Variants in ULBP1 observed in about 807,000 individuals in gnomAD.
The protein encoded by ULBP1 is UL16 binding protein 1.
ULBP1 carries 28 observed loss-of-function variants against 25.3 expected under a neutral mutation model. The observed-to-expected ratio is 1.10, with a 90% confidence interval of 0.82 to 1.51. The LOEUF is 1.51. Ranked by LOEUF, ULBP1 falls within the 40% of genes most tolerant of loss-of-function variation. The probability of loss-of-function intolerance (pLI) is 0.00; values close to 1 mark genes in which losing one functional copy is unlikely to be tolerated. For synonymous variants in ULBP1, 129 were observed against 103.0 expected (o/e 1.25, Z -1.53); for missense variants, 348 against 290.9 (o/e 1.20, Z -1.43).
intron 1 of ULBP1, among the ~76,000 whole-genome samples, chr6:149,967,556 T>C (rs1354154998): frequency 6.6e-6 from 1 of 152,178 alleles, no homozygotes; most frequent in Non-Finnish European, 1.5e-5. Flanking sequence ...TTGTCTTTGT[T>C]TGTTGTAATT....
At chr6:149,970,497 T>A (rs1344385966) in intron 4 of ULBP1, among the ~76,000 whole-genome samples, 1 of 152,060 alleles carries the variant, frequency 6.6e-6, no homozygotes, top group Non-Finnish European at 1.5e-5. Flanking sequence ...GTCTGCACAG[T>A]AGGAGAGGAG....
chr6:149,963,945 A>C lies in ULBP1; in HGVS notation c.-105A>C. On this transcript the variant is annotated 5_prime_UTR_variant, in exon 1 of 5. Coordinates refer to ENST00000229708, the MANE Select transcript of ULBP1 (RefSeq NM_025218.4). ...GCATGCCTAGGATCCCGCCCAGTGT[A>C]TCCCTGCGCGCGGCGGGCCGGGCTG... 4.4e-6 allele frequency: 5 copies of C among 1,129,360 alleles called. No homozygotes were observed. The highest frequency in any genetic ancestry group is 6.4e-6 in the Non-Finnish European group (5 of 776,406). The allele number at this position is 1,129,360 out of a possible 1,614,324, so 70.0% of individuals were successfully genotyped here.
chr6:149,966,481 C>T (rs1474696705), intron 1 of ULBP1, among the ~76,000 whole-genome samples: 1 of 152,122 alleles, frequency 6.6e-6, no homozygotes, highest in Non-Finnish European at 1.5e-5. Context: ...TGCTGGGTGG[C>T]ATCATAGGTC....
intron 1 of ULBP1, among the ~76,000 whole-genome samples, chr6:149,965,369 C>T (rs1383618487): frequency 1.3e-5 from 2 of 152,238 alleles, no homozygotes; most frequent in Non-Finnish European, 2.9e-5. Flanking sequence ...GGCTCCTTTC[C>T]GCCGAGTCCG....
chr6:149,969,221 T>C lies in ULBP1; in HGVS notation c.486T>C (p.His162=), dbSNP rs774064155. Residue 162 remains histidine (H), a synonymous_variant, in exon 3 of 5, where the codon CAT becomes CAC. Coordinates refer to ENST00000229708, the MANE Select transcript of ULBP1 (RefSeq NM_025218.4). The part of the protein sequence containing the change: ...DSNNRKWTAL[H]PGAKKMTEKW... ...ACAACAGAAAGTGGACAGCACTTCA[T>C]CCTGGAGCCAAGAAGATGACAGAGA... 1.9e-6 allele frequency: 3 copies of C among 1,614,096 alleles called. No homozygotes were observed. The East Asian group carries it at 6.7e-5, about 36-fold the overall frequency.
chr6:149,966,342 C>T (rs1048485335), intron 1 of ULBP1, among the ~76,000 whole-genome samples: 1 of 152,022 alleles, frequency 6.6e-6, no homozygotes, highest in African/African-American at 2.4e-5. Context: ...CCTAGGGTGT[C>T]ATCTCCAAGT....
rs1665858105 is a variant in ULBP1 at position 149,972,371 on chromosome 6, G to T, written c.*1025G>T. 1 of 152,096 alleles carries T rather than the reference G, an allele frequency of 6.6e-6. No homozygotes were observed. The highest frequency in any genetic ancestry group is 1.5e-5 in the Non-Finnish European group (1 of 68,024). 9.4% of individuals were successfully genotyped at this position (152,096 alleles called of 1,614,324 possible). A position where few individuals can be genotyped will look rare whatever the true frequency, so the allele number is the denominator to read the frequency against. On this transcript the variant is annotated 3_prime_UTR_variant, in exon 5 of 5. Coordinates refer to ENST00000229708, the MANE Select transcript of ULBP1 (RefSeq NM_025218.4). The stretch of plus-strand genomic sequence containing the variant: ...GTAAAATAATTCAATATGGATGAAA[G>T]ATTTAAATATAAGTACTAAAACTGT...
Position 149,964,067 on chromosome 6 carries a change from C to A in ULBP1, c.18C>A (p.Ser6Arg). The A allele has an allele frequency of 6.2e-7, 1 of 1,614,200 alleles. No individual in the cohort carries two copies. Among genetic ancestry groups the A allele is most frequent in the Non-Finnish European group, 8.5e-7 (1 of 1,180,024 alleles). Residue 6 changes from serine (S) to arginine (R), a missense_variant, in exon 1 of 5, where the codon AGC becomes AGA. Transcript: ENST00000229708. Reference protein sequence around the residue: MAAAASPAFLLCLPLL... With the variant: MAAAARPAFLLCLPLL... ...GGTCTACAATGGCAGCGGCCGCCAGCCCCGCGTTCCTTCTGTGCCTCCCGC... is the reference window on the plus strand; with the variant it reads ...GGTCTACAATGGCAGCGGCCGCCAGACCCGCGTTCCTTCTGTGCCTCCCGC...
Position 149,964,024 on chromosome 6 carries a change from C to G in ULBP1, c.-26C>G. 3 of 1,613,100 alleles carry G rather than the reference C, an allele frequency of 1.9e-6. No individual in the cohort carries two copies. The highest frequency in any genetic ancestry group is 2.5e-6 in the Non-Finnish European group (3 of 1,179,522). On this transcript the variant is annotated 5_prime_UTR_variant, in exon 1 of 5. Transcript: ENST00000229708. ...GCCTCGAAGGGAACCATCAGCGCCT[C>G]CTGTCCACGGAGCTCCAGGTCTACA...
At chr6:149,965,597 G>T (rs2114706832) in intron 1 of ULBP1, among the ~76,000 whole-genome samples, 1 of 152,208 alleles carries the variant, frequency 6.6e-6, no homozygotes, top group East Asian at 1.9e-4. Flanking sequence ...GTTCCACAGG[G>T]ACGCGATCAC....
At position 149,972,676 on chromosome 6, in the gene ULBP1, C is replaced by A. The variant is rs1186630608; in HGVS notation, c.*1330C>A. On this transcript the variant is annotated 3_prime_UTR_variant, in exon 5 of 5. Transcript: ENST00000229708. Reference sequence around the variant, plus strand: ...AATTCAACAAGCAAGAAGAAAAAACCCAATTAAAATTGGGCAAAGGCATGA... The same window carrying A: ...AATTCAACAAGCAAGAAGAAAAAACACAATTAAAATTGGGCAAAGGCATGA... The A allele has an allele frequency of 1.3e-5, 2 of 152,100 alleles. No individual in the cohort carries two copies. The highest frequency in any genetic ancestry group is 4.8e-5 in the African/African-American group (2 of 41,416). 9.4% of individuals were successfully genotyped at this position (152,100 alleles called of 1,614,324 possible). A position where few individuals can be genotyped will look rare whatever the true frequency, so the allele number is the denominator to read the frequency against.
rs1331765274 is a variant in ULBP1, at chr6:149,968,718, G to T, written c.197G>T (p.Cys66Phe). ...GAAAGGCCTTTTCTTCACTATGACT[G>T]TGTTAACCACAAGGCCAAAGCCTTT... is the stretch of plus-strand genomic sequence containing the variant. ...VDERPFLHYD[C>F]VNHKAKAFAS... is the part of the protein sequence containing the mutation. The change falls in exon 2 of 5, where the codon TGT becomes TTT. Residue 66 changes from cysteine to phenylalanine, a missense_variant. By Grantham distance (205) the Cys-to-Phe change is radical. Transcript: ENST00000229708. 2 of 1,614,242 alleles carry T rather than the reference G, an allele frequency of 1.2e-6. No individual in the cohort carries two copies. Among genetic ancestry groups the T allele is most frequent in the Non-Finnish European group, 1.7e-6 (2 of 1,180,044 alleles).
Position 149,972,775 on chromosome 6 carries a change from G to C in ULBP1, c.*1429G>C, listed in dbSNP as rs1779340723. ...AAATGCTCAGTATCACTAATCATCA[G>C]ATAAGTGCAAATCAAAACTGCAATG... On this transcript the variant is annotated 3_prime_UTR_variant, in exon 5 of 5. Transcript: ENST00000229708. 6.6e-6 allele frequency: 1 copy of C among 152,218 alleles called. No individual in the cohort carries two copies. The allele number at this position is 152,218 out of a possible 1,614,324, so 9.4% of individuals were successfully genotyped here.
At chr6:149,968,580 A>AC in intron 1 of ULBP1, 27 bp from the exon 2 acceptor site, 1 of 1,589,802 alleles carries the variant, frequency 6.3e-7, no homozygotes, top group Non-Finnish European at 8.6e-7. Context: ...CCCCACACCA[A>AC]CCCCCTCCTG....
chr6:149,968,786 G>T lies in ULBP1; in HGVS notation c.265G>T (p.Glu89Ter). ...KKVNVTKTWE[E>*]QTETLRDVVD... ...AGTCAATGTCACAAAAACCTGGGAA[G>T]AACAAACTGAAACACTAAGAGACGT... Residue 89 changes from glutamate to a stop codon, truncating the protein, a stop_gained, in exon 2 of 5, where the codon GAA becomes TAA. Coordinates refer to ENST00000229708, the MANE Select transcript of ULBP1 (RefSeq NM_025218.4). LOFTEE classifies it high-confidence loss of function. 1 of 1,614,068 alleles carries T rather than the reference G, an allele frequency of 6.2e-7. No homozygotes were observed. The highest frequency in any genetic ancestry group is 8.5e-7 in the Non-Finnish European group (1 of 1,179,928).
intron 4 of ULBP1, 24 bp downstream of exon 4, chr6:149,970,171 G>A (rs1779289263): frequency 6.4e-7 from 1 of 1,558,228 alleles, no homozygotes; most frequent in Non-Finnish European, 8.7e-7. Flanking sequence ...TATTGGGAGG[G>A]GAGCAAGAGG....
At position 149,973,127 on chromosome 6, in the gene ULBP1, C is replaced by G. The variant is rs1415557008; in HGVS notation, c.*1781C>G. On this transcript the variant is annotated 3_prime_UTR_variant, in exon 5 of 5. Coordinates refer to ENST00000229708, the MANE Select transcript of ULBP1 (RefSeq NM_025218.4). The stretch of plus-strand genomic sequence containing the variant: ...TGAAAAAAAATGTGGTACATAGATA[C>G]GATGGAAAACTATGCAGCCATGAAA... 6.6e-6 allele frequency: 1 copy of G among 152,146 alleles called. No homozygotes were observed. Among genetic ancestry groups the G allele is most frequent in the African/African-American group, 2.4e-5 (1 of 41,414 alleles). 9.4% of individuals were successfully genotyped at this position (152,146 alleles called of 1,614,324 possible).
intron 1 of ULBP1, among the ~76,000 whole-genome samples, chr6:149,967,246 A>G (rs1483189217): frequency 6.6e-6 from 1 of 152,220 alleles, no homozygotes; most frequent in East Asian, 1.9e-4. Context: ...GGAGCAAGTT[A>G]ATGCTTTAGG....
intron 1 of ULBP1, among the ~76,000 whole-genome samples, chr6:149,967,812 T>G (rs772235468): frequency 6.6e-6 from 1 of 152,140 alleles, no homozygotes. Context: ...CAGCATTTCC[T>G]ACCCCCAACC....
Sources: allele counts gnomAD v4.1 joint callset (sites outside exome capture counted in the v4.1 genomes callset), GRCh38; gene constraint gnomAD v4.1.1; transcripts MANE v1.5; gene names NCBI Gene and HGNC (gene_info 2026-07-23, HGNC 2026-07-21).